MYRIP: variants seen among roughly 807,000 people sequenced by gnomAD.
The protein encoded by MYRIP is rab effector MyRIP.
In MYRIP, 49 loss-of-function variants were observed where a neutral mutation model predicts 98.0. The observed-to-expected ratio is 0.50, with a 90% CI of 0.40 to 0.63. The LOEUF is 0.63. MYRIP is among the 30% of genes least tolerant of loss of function. The pLI is 0.00. For missense variants in MYRIP, 1,004 were observed against 1,058.2 expected, an observed-to-expected ratio of 0.95 and a Z score of 0.71; for synonymous variants, 404 against 409.5, an observed-to-expected ratio of 0.99 and a Z score of 0.16.
chr3:40,187,260 C>T (rs1951063830), intron 9 of MYRIP, among the ~76,000 whole-genome samples: 1 of 152,134 alleles, frequency 6.6e-6, no homozygotes, highest in Non-Finnish European at 1.5e-5. Context: ...AAAGGTGGGT[C>T]ACACTGACCC....
chr3:40,182,075 A>C (rs528270021), intron 8 of MYRIP, 145 bp from the exon 9 acceptor site: 1 of 859,112 alleles, frequency 1.2e-6, no homozygotes, highest in African/African-American at 1.7e-5. Context: ...ACTGATTTGC[A>C]GCTTTTAAGG....
chr3:40,226,451 G>A (rs1952493417), intron 11 of MYRIP, among the ~76,000 whole-genome samples: 2 of 152,068 alleles, frequency 1.3e-5, no homozygotes, highest in Admixed American at 1.3e-4. Context: ...TCAGGTCCTT[G>A]CGACCTTTGA....
intron 1 of MYRIP, among the ~76,000 whole-genome samples, chr3:39,858,597 C>T (rs1463557635): frequency 2.9e-5 from 4 of 137,806 alleles, no homozygotes; most frequent in African/African-American, 1.1e-4. Flanking sequence ...ACATTCTTTC[C>T]AAGGGCACAC....
At chr3:39,962,934 T>G (rs1945359421) in intron 2 of MYRIP, among the ~76,000 whole-genome samples, 2 of 152,160 alleles carry the variant, frequency 1.3e-5, no homozygotes, top group South Asian at 4.1e-4. Flanking sequence ...CAATTTAGTT[T>G]TATATTTTCA....
intron 3 of MYRIP, among the ~76,000 whole-genome samples, chr3:40,108,214 G>GAGAGAGA (rs1949089558): frequency 4.6e-4 from 55 of 120,832 alleles, no homozygotes; most frequent in African/African-American, 1.7e-3. Flanking sequence ...AGAGAGAGAG[G>GAGAGAGA]GTGAGTCGAA....
chr3:39,990,759 GC>G (rs1482349604), intron 2 of MYRIP, among the ~76,000 whole-genome samples: 1 of 152,190 alleles, frequency 6.6e-6, no homozygotes, highest in Non-Finnish European at 1.5e-5. Flanking sequence ...GTGCAGGGCT[GC>G]CCTCTAGTGG....
chr3:39,817,990 T>A (rs1940976654), intron 1 of MYRIP, among the ~76,000 whole-genome samples: 1 of 152,202 alleles, frequency 6.6e-6, no homozygotes, highest in African/African-American at 2.4e-5. Context: ...AATGATACTT[T>A]AAAAAACTTA....
At chr3:39,871,939 A>G (rs1418775810) in intron 1 of MYRIP, among the ~76,000 whole-genome samples, 1 of 152,064 alleles carries the variant, frequency 6.6e-6, no homozygotes, top group Admixed American at 6.5e-5. Context: ...AACTGAACCC[A>G]GTACAGTTGT....
chr3:40,239,905 A>C (rs13087233), intron 12 of MYRIP, among the ~76,000 whole-genome samples: 8,679 of 100,326 alleles, frequency 0.087, 577 homozygotes, highest in African/African-American at 0.26. Context: ...GAAGCTCTTT[A>C]GTTTAATTAG....
chr3:39,870,179 G>A (rs1655823262), intron 1 of MYRIP, among the ~76,000 whole-genome samples: 1 of 152,126 alleles, frequency 6.6e-6, no homozygotes, highest in African/African-American at 2.4e-5. Flanking sequence ...CAGGAAGTTT[G>A]GTCTTTTCTC....
rs531332943 is a variant in MYRIP, at chr3:40,220,161, C to T, written c.1905+10068C>T. Among the ~76,000 whole-genome samples, 945 of 151,656 alleles carry T rather than the reference C, an allele frequency of 6.2e-3. 6 individuals are homozygous for T. Among genetic ancestry groups the T allele is most frequent in the African/African-American group, 0.02 (845 of 41,288 alleles). On this transcript the variant is annotated intron_variant, in intron 11 of 16. Transcript: ENST00000302541. ...TTGAGAAGTGTCTGTTCATATCCTT[C>T]GCCCACTTTTTGATGGGGTTGTTTG...
chr3:40,090,211 T>G (rs1038397461), intron 3 of MYRIP, among the ~76,000 whole-genome samples: 1 of 152,146 alleles, frequency 6.6e-6, no homozygotes, highest in African/African-American at 2.4e-5. Flanking sequence ...GTGAAGATTA[T>G]GATGATCACG....
At chr3:39,840,635 G>C (rs985845212) in intron 1 of MYRIP, among the ~76,000 whole-genome samples, 3 of 152,096 alleles carry the variant, frequency 2.0e-5, no homozygotes, top group African/African-American at 7.2e-5. Flanking sequence ...CTTTCTTCAG[G>C]AGCTCTTGTA....
At chr3:39,959,808 TA>T (rs1300387508) in intron 2 of MYRIP, among the ~76,000 whole-genome samples, 2 of 152,250 alleles carry the variant, frequency 1.3e-5, no homozygotes, top group East Asian at 3.9e-4. Flanking sequence ...ATATGTTGAA[TA>T]ACCGAAGCAG....
At chr3:40,061,407 C>T (rs1948012052) in intron 3 of MYRIP, among the ~76,000 whole-genome samples, 1 of 152,250 alleles carries the variant, frequency 6.6e-6, no homozygotes, top group Admixed American at 6.5e-5. Flanking sequence ...CCATAAAAGA[C>T]ATGGTCTTGT....
At chr3:40,174,053 C>T (rs138775516) in intron 8 of MYRIP, 2 of 152,166 alleles carry the variant, frequency 1.3e-5, no homozygotes, top group Non-Finnish European at 2.9e-5. Flanking sequence ...CAAGATATGT[C>T]CACCTTCCCC....
intron 2 of MYRIP, among the ~76,000 whole-genome samples, chr3:39,926,620 C>T (rs1944425845): frequency 6.6e-6 from 1 of 151,886 alleles, no homozygotes; most frequent in Non-Finnish European, 1.5e-5. Context: ...TTTTTGTCAA[C>T]TTTATCAGAG....
intron 1 of MYRIP, among the ~76,000 whole-genome samples, chr3:39,871,301 G>A (rs750830873): frequency 1.3e-5 from 2 of 152,232 alleles, no homozygotes; most frequent in Non-Finnish European, 2.9e-5. Flanking sequence ...TGGAATGCCA[G>A]TCACTTAAAA....
intron 2 of MYRIP, among the ~76,000 whole-genome samples, chr3:39,999,783 C>G (rs1418587729): frequency 6.6e-6 from 1 of 152,022 alleles, no homozygotes; most frequent in Non-Finnish European, 1.5e-5. Flanking sequence ...AGCCAAATGT[C>G]CAACAATGAT....
Sources: gnomAD v4.1 joint callset for allele counts (sites outside exome capture counted in the v4.1 genomes callset) on GRCh38, gnomAD v4.1.1 for gene constraint, MANE v1.5 for transcripts, NCBI Gene and HGNC (gene_info 2026-07-23, HGNC 2026-07-21) for gene names.